The following SMIM13 variants were observed in gnomAD, a reference collection of about 807,000 sequenced individuals.
SMIM13 encodes the protein UPF0766 protein C6orf228.
Under a neutral mutation model 5.9 loss-of-function variants are expected in SMIM13, and 3 were observed. The observed-to-expected ratio is 0.51, with a 90% confidence interval of 0.23 to 1.31. SMIM13 has a LOEUF of 1.31. Ranked by LOEUF, SMIM13 falls within the 40% of genes most tolerant of loss-of-function variation. The probability of loss-of-function intolerance (pLI) is 0.18; values close to 1 mark genes in which losing one functional copy is unlikely to be tolerated. For missense variants in SMIM13, 85 were observed against 109.9 expected (o/e 0.77, Z 1.01); for synonymous variants, 55 against 46.0 (o/e 1.19, Z -0.79).
chr6:11,099,518 G>T (rs956145501), intron 1 of SMIM13, among the ~76,000 whole-genome samples: 2 of 152,178 alleles, frequency 1.3e-5, no homozygotes, highest in African/African-American at 4.8e-5. Context: ...CCACACTAGA[G>T]GGTAAGGCCC....
chr6:11,132,124 A>G (rs959731691), intron 1 of SMIM13, among the ~76,000 whole-genome samples: 2 of 152,192 alleles, frequency 1.3e-5, no homozygotes, highest in Admixed American at 6.6e-5. Context: ...AAATGAATAG[A>G]TATTTCTCCA....
At chr6:11,125,513 T>C (rs1758366614) in intron 1 of SMIM13, among the ~76,000 whole-genome samples, 1 of 152,108 alleles carries the variant, frequency 6.6e-6, no homozygotes, top group Non-Finnish European at 1.5e-5. Flanking sequence ...GGAGAATTGC[T>C]TGAACCTGGG....
At chr6:11,120,256 T>C (rs1257091386) in intron 1 of SMIM13, among the ~76,000 whole-genome samples, 2 of 152,206 alleles carry the variant, frequency 1.3e-5, no homozygotes, top group Non-Finnish European at 2.9e-5. Flanking sequence ...TTAATCGGTT[T>C]GGGCTGCTGT....
chr6:11,134,433 C>T lies in SMIM13; in HGVS notation c.107C>T (p.Ser36Leu). The T allele has an allele frequency of 5.2e-6, 8 of 1,549,754 alleles. No individual in the cohort carries two copies. Among genetic ancestry groups the T allele is most frequent in the Non-Finnish European group, 7.0e-6 (8 of 1,146,188 alleles). The change falls in exon 2 of 2, where the codon TCA becomes TTA. Residue 36 changes from serine to leucine, a missense_variant. Physicochemically the swap from Ser to Leu is moderately radical, Grantham distance 145. Coordinates refer to ENST00000416247, the MANE Select transcript of SMIM13 (RefSeq NM_001135575.2). ...TATTTTGTATGGCATCTTTTTTTAT[C>T]AAAATTCAAGTTTCTCCGGGAACTG... The part of the protein sequence containing the change: ...GWYFVWHLFL[S>L]KFKFLRELVG...
intron 1 of SMIM13, among the ~76,000 whole-genome samples, chr6:11,118,908 C>A (rs1758275926): frequency 6.6e-6 from 1 of 152,158 alleles, no homozygotes; most frequent in Admixed American, 6.5e-5. Flanking sequence ...AACTGAAGCA[C>A]ATAGAGGTTA....
chr6:11,103,058 A>G (rs1758019240), intron 1 of SMIM13: 1 of 152,196 alleles, frequency 6.6e-6, no homozygotes, highest in Admixed American at 6.6e-5. Context: ...GTCTGCATGC[A>G]CAGTGGCCTG....
chr6:11,121,476 A>G (rs1206094138), intron 1 of SMIM13, among the ~76,000 whole-genome samples: 1 of 152,160 alleles, frequency 6.6e-6, no homozygotes, highest in Non-Finnish European at 1.5e-5. Flanking sequence ...CCTGTCCCCC[A>G]AAATACATAT....
intron 1 of SMIM13, among the ~76,000 whole-genome samples, chr6:11,112,620 TG>T (rs1758184745): frequency 6.6e-6 from 1 of 152,152 alleles, no homozygotes; most frequent in African/African-American, 2.4e-5. Flanking sequence ...ATGCTTTTTG[TG>T]TTTGACTTCT....
intron 1 of SMIM13, among the ~76,000 whole-genome samples, chr6:11,121,891 C>A (rs367674554): frequency 6.6e-6 from 1 of 151,028 alleles, no homozygotes; most frequent in African/African-American, 2.5e-5. Context: ...TGGCCAGTTT[C>A]TTTGTTGCTC....
intron 1 of SMIM13, chr6:11,104,364 G>T (rs1258994219): frequency 6.4e-7 from 1 of 1,551,592 alleles, no homozygotes; most frequent in African/African-American, 1.4e-5. Flanking sequence ...TATGGTACAA[G>T]TTCCAGTCCA....
At chr6:11,097,792 C>G (rs1364445319) in intron 1 of SMIM13, among the ~76,000 whole-genome samples, 1 of 152,190 alleles carries the variant, frequency 6.6e-6, no homozygotes, top group African/African-American at 2.4e-5. Flanking sequence ...TTAGCACTGG[C>G]TGAAAGCTAG....
At chr6:11,116,978 G>GTTTTTTT (rs1561756849) in intron 1 of SMIM13, among the ~76,000 whole-genome samples, 2 of 67,702 alleles carry the variant, frequency 3.0e-5, no homozygotes, top group African/African-American at 1.1e-4. Flanking sequence ...AATGATAATT[G>GTTTTTTT]TTTCTTTTTT....
At chr6:11,103,556 G>T in intron 1 of SMIM13, 1 of 1,286,784 alleles carries the variant, frequency 7.8e-7, no homozygotes, top group South Asian at 1.7e-5. Flanking sequence ...GTTGTTCTGT[G>T]GGTCTTGGCC....
chr6:11,133,812 A>T (rs182404969), intron 1 of SMIM13, among the ~76,000 whole-genome samples: 2 of 152,084 alleles, frequency 1.3e-5, no homozygotes, highest in Admixed American at 6.5e-5. Flanking sequence ...GTATTTTAAA[A>T]ATCTGTGTTT....
chr6:11,130,211 TCTTTC>T (rs1422845465), intron 1 of SMIM13, among the ~76,000 whole-genome samples: 1 of 151,226 alleles, frequency 6.6e-6, no homozygotes, highest in Non-Finnish European at 1.5e-5. Context: ...ACAATTTATC[TCTTTC>T]CTTTGTACTC....
rs1277593453 is a variant in SMIM13, at chr6:11,099,559, A to G, written c.76+5170A>G. Among the ~76,000 whole-genome samples, 4 of 152,304 alleles carry G rather than the reference A, an allele frequency of 2.6e-5. No homozygotes were observed. The East Asian group carries it at 5.8e-4, about 22-fold the overall frequency. ...GGGCAGGCATTTTGTTTTCTTCACT[A>G]CTATATCCCTGACACCTACAGAAGT... On this transcript the variant is annotated intron_variant, in intron 1 of 1. Coordinates refer to ENST00000416247, the MANE Select transcript of SMIM13 (RefSeq NM_001135575.2).
chr6:11,119,337 G>A (rs971326196), intron 1 of SMIM13, among the ~76,000 whole-genome samples: 1 of 152,052 alleles, frequency 6.6e-6, no homozygotes, highest in African/African-American at 2.4e-5. Flanking sequence ...TGAGGTTCAG[G>A]AAAGGTGGAA....
At chr6:11,110,047 A>G (rs901022237) in intron 1 of SMIM13, among the ~76,000 whole-genome samples, 1 of 152,138 alleles carries the variant, frequency 6.6e-6, no homozygotes, top group African/African-American at 2.4e-5. Context: ...CCTTGGTCCC[A>G]TCTTGTTTTA....
chr6:11,130,821 C>T (rs1367792651), intron 1 of SMIM13, among the ~76,000 whole-genome samples: 1 of 152,170 alleles, frequency 6.6e-6, no homozygotes, highest in Non-Finnish European at 1.5e-5. Context: ...TCTTAACCAT[C>T]CCAAGAGCAC....
Sources: allele counts gnomAD v4.1 joint callset (sites outside exome capture counted in the v4.1 genomes callset), GRCh38; gene constraint gnomAD v4.1.1; transcripts MANE v1.5; gene names NCBI Gene and HGNC (gene_info 2026-07-23, HGNC 2026-07-21).